The following ITGB6 variants were observed in gnomAD, a reference collection of about 807,000 sequenced individuals.
ITGB6 encodes the protein integrin beta-6.
In ITGB6, 80 loss-of-function variants were observed where a neutral mutation model predicts 84.5. That is an observed-to-expected ratio of 0.95 (90% CI 0.79 to 1.14). ITGB6 has a LOEUF of 1.14. Among genes scored for constraint, ITGB6 ranks in the 50% most tolerant of loss-of-function variants. The probability of loss-of-function intolerance (pLI) is 0.00; values close to 1 mark genes in which losing one functional copy is unlikely to be tolerated. For missense variants in ITGB6, 1,006 were observed against 968.0 expected (o/e 1.04, Z -0.52); for synonymous variants, 383 against 354.9 (o/e 1.08, Z -0.89).
intron 10 of ITGB6, among the ~76,000 whole-genome samples, chr2:160,127,615 C>T (rs537432339): frequency 5.3e-5 from 8 of 152,316 alleles, no homozygotes; most frequent in Non-Finnish European, 7.3e-5. Flanking sequence ...GGCTGTGTCA[C>T]GGGCCATGGT....
At chr2:160,116,358 G>C (rs7370567) in intron 12 of ITGB6, among the ~76,000 whole-genome samples, 96,379 of 145,834 alleles carry the variant, frequency 0.66, 32,421 homozygotes, top group Admixed American at 0.73. Flanking sequence ...GGCCAATATT[G>C]AACATTCTTA....
chr2:160,158,834 C>T (rs974521677), intron 7 of ITGB6, among the ~76,000 whole-genome samples: 3 of 152,196 alleles, frequency 2.0e-5, no homozygotes, highest in African/African-American at 4.8e-5. Context: ...GGCACGGTGG[C>T]TCATGCCTGT....
chr2:160,138,694 A>G (rs1201056834), intron 8 of ITGB6, among the ~76,000 whole-genome samples: 1 of 152,182 alleles, frequency 6.6e-6, no homozygotes, highest in Non-Finnish European at 1.5e-5. Context: ...AAGAATCCAC[A>G]ATTGAAGTCA....
intron 10 of ITGB6, among the ~76,000 whole-genome samples, chr2:160,130,080 C>T (rs1369128572): frequency 1.3e-5 from 2 of 152,052 alleles, no homozygotes; most frequent in East Asian, 3.9e-4. Context: ...AAACCTGCTG[C>T]ACACCTAGGT....
chr2:160,143,413 T>C (rs2105826829), intron 7 of ITGB6, among the ~76,000 whole-genome samples: 1 of 152,314 alleles, frequency 6.6e-6, no homozygotes, highest in African/African-American at 2.4e-5. Context: ...CTTATATGTG[T>C]TTTTAAATGA....
At chr2:160,174,888 A>G (rs1227857613) in intron 4 of ITGB6, among the ~76,000 whole-genome samples, 1 of 152,222 alleles carries the variant, frequency 6.6e-6, no homozygotes. Flanking sequence ...AGGTTCTCCA[A>G]CTGAGATCCC....
chr2:160,142,631 C>T (rs367822252), intron 7 of ITGB6, among the ~76,000 whole-genome samples: 4 of 152,156 alleles, frequency 2.6e-5, no homozygotes, highest in East Asian at 1.9e-4. Flanking sequence ...ATGCTAGCAC[C>T]GTGCTGGGGT....
chr2:160,132,919 T>C (rs1284864863), intron 10 of ITGB6, among the ~76,000 whole-genome samples: 3 of 152,138 alleles, frequency 2.0e-5, no homozygotes, highest in African/African-American at 7.2e-5. Context: ...ATGCAGTTAC[T>C]CATCTTTCTT....
intron 4 of ITGB6, among the ~76,000 whole-genome samples, chr2:160,178,392 G>A (rs572475133): frequency 1.3e-5 from 2 of 152,190 alleles, no homozygotes; most frequent in East Asian, 1.9e-4. Context: ...ATACCATACC[G>A]AAATGACATT....
rs555579901 is a variant in ITGB6, at chr2:160,121,073, T to A, written c.1981+2718A>T. 5.3e-5 allele frequency among the ~76,000 whole-genome samples: 8 copies of A among 151,186 alleles called. No individual in the cohort carries two copies. The East Asian group carries it at 1.4e-3, about 26-fold the overall frequency. ...CTTAAAGTATAATGATAATAAAATT[T>A]AAAAAAAAGAAAAAGAAAAATACAA... On this transcript the variant is annotated intron_variant, in intron 12 of 14. Coordinates refer to ENST00000283249, the MANE Select transcript of ITGB6 (RefSeq NM_000888.5).
chr2:160,116,892 CA>C (rs1205363685), intron 12 of ITGB6, among the ~76,000 whole-genome samples: 1 of 150,734 alleles, frequency 6.6e-6, no homozygotes, highest in African/African-American at 2.4e-5. Context: ...GACTTTAAAC[CA>C]ACAAAGATCA....
At chr2:160,184,208 A>G (rs867010734) in intron 4 of ITGB6, among the ~76,000 whole-genome samples, 4 of 152,196 alleles carry the variant, frequency 2.6e-5, no homozygotes, top group Non-Finnish European at 5.9e-5. Flanking sequence ...TTTTGAAAAG[A>G]TTAACAAAAT....
intron 4 of ITGB6, among the ~76,000 whole-genome samples, chr2:160,179,754 T>C (rs1028573682): frequency 4.6e-5 from 7 of 151,094 alleles, no homozygotes; most frequent in Non-Finnish European, 1.0e-4. Context: ...ACTGTTGGTG[T>C]AAATTCAAAA....
intron 4 of ITGB6, among the ~76,000 whole-genome samples, chr2:160,175,134 T>A (rs1685368379): frequency 6.6e-6 from 1 of 152,230 alleles, no homozygotes; most frequent in African/African-American, 2.4e-5. Flanking sequence ...TGGTTGATTC[T>A]TAATATGGGC....
At chr2:160,144,364 G>A (rs1326016286) in intron 7 of ITGB6, among the ~76,000 whole-genome samples, 1 of 152,166 alleles carries the variant, frequency 6.6e-6, no homozygotes, top group African/African-American at 2.4e-5. Context: ...TGAGTCAGGG[G>A]AAACTTGTAA....
intron 4 of ITGB6, among the ~76,000 whole-genome samples, chr2:160,179,943 CAAAAAAA>C (rs60463723): frequency 2.9e-5 from 3 of 103,002 alleles, no homozygotes; most frequent in East Asian, 2.8e-4. Flanking sequence ...ACTAAAAATA[CAAAAAAA>C]AAAAAAAAAA....
intron 4 of ITGB6, among the ~76,000 whole-genome samples, chr2:160,182,148 G>A (rs755809099): frequency 2.0e-5 from 3 of 152,150 alleles, no homozygotes; most frequent in Non-Finnish European, 4.4e-5. Flanking sequence ...TGAGTCTGAC[G>A]AATTGACAGA....
chr2:160,199,896 A>C, intron 1 of ITGB6, 107 bp downstream of exon 1: 2 of 848,848 alleles, frequency 2.4e-6, no homozygotes, highest in Non-Finnish European at 3.9e-6. Context: ...ACAAAAGAGC[A>C]ATGGAACAGA....
intron 7 of ITGB6, among the ~76,000 whole-genome samples, chr2:160,145,497 GT>G (rs1450899162): frequency 6.6e-6 from 1 of 152,168 alleles, no homozygotes; most frequent in Non-Finnish European, 1.5e-5. Flanking sequence ...GTCTGCATTT[GT>G]TCCCTGGAAT....
Sources: allele counts gnomAD v4.1 joint callset (sites outside exome capture counted in the v4.1 genomes callset), GRCh38; gene constraint gnomAD v4.1.1; transcripts MANE v1.5; gene names NCBI Gene and HGNC (gene_info 2026-07-23, HGNC 2026-07-21).